GNA12: variants seen among roughly 807,000 people sequenced by gnomAD.
GNA12 encodes guanine nucleotide-binding protein subunit alpha-12.
Under a neutral mutation model 26.0 loss-of-function variants are expected in GNA12, and 9 were observed. The observed-to-expected ratio is 0.35, with a 90% CI of 0.21 to 0.60. The LOEUF (loss-of-function observed/expected upper bound fraction) is 0.60, where lower values mean the gene tolerates loss of function less well. Ranked by LOEUF, GNA12 falls within the 20% of genes least tolerant of loss-of-function variation. The pLI is 0.78. For missense variants in GNA12, 405 were observed against 525.8 expected (o/e 0.77, Z 2.25); for synonymous variants, 264 against 219.6 (o/e 1.20, Z -1.79).
intron 1 of GNA12, among the ~76,000 whole-genome samples, chr7:2,816,141 G>A (rs1045535093): frequency 2.0e-5 from 3 of 152,148 alleles, no homozygotes; most frequent in African/African-American, 7.2e-5. Context: ...CACAGGGAAC[G>A]GATCAGCAAT....
chr7:2,780,505 C>T (rs749535981), intron 2 of GNA12, among the ~76,000 whole-genome samples: 7 of 152,160 alleles, frequency 4.6e-5, no homozygotes, highest in Non-Finnish European at 8.8e-5. Context: ...TCAAAACACT[C>T]GCTCTGTCTT....
intron 2 of GNA12, among the ~76,000 whole-genome samples, chr7:2,761,588 A>T (rs775439906): frequency 6.6e-6 from 1 of 152,226 alleles, no homozygotes; most frequent in Non-Finnish European, 1.5e-5. Context: ...CCTAGGATAC[A>T]AACAGTTCTC....
At chr7:2,830,061 G>A (rs1793567363) in intron 1 of GNA12, among the ~76,000 whole-genome samples, 2 of 152,152 alleles carry the variant, frequency 1.3e-5, no homozygotes. Context: ...GCTCCACCAA[G>A]GACCCTTTCC....
rs531783488 is a variant in GNA12, at chr7:2,776,327, G to A, written c.525+18601C>T. Among the ~76,000 whole-genome samples, 18 of 152,302 alleles carry A rather than the reference G, an allele frequency of 1.2e-4. No individual in the cohort carries two copies. The East Asian group carries it at 3.1e-3, about 26-fold the overall frequency. On this transcript the variant is annotated intron_variant, in intron 2 of 3. Transcript: ENST00000275364. ...GCCAGTGCTCAGAGTGCTATAGAAA[G>A]AACAGAACAGAAGACACTGCTCGGA...
intron 1 of GNA12, among the ~76,000 whole-genome samples, chr7:2,836,508 C>A (rs1484285390): frequency 1.3e-5 from 2 of 152,186 alleles, no homozygotes; most frequent in Non-Finnish European, 2.9e-5. Context: ...AGCCTCCAAG[C>A]TGGAACAGCC....
chr7:2,817,158 C>T lies in GNA12; in HGVS notation c.310-22015G>A, dbSNP rs370328297. On this transcript the variant is annotated intron_variant, in intron 1 of 3. Transcript: ENST00000275364. ...TCTCGCTCTATTGCCCAGGCTGTAG[C>T]GCAATGGCGCGACCTCGGCTCACCG... Among the ~76,000 whole-genome samples, 94 of 152,290 alleles carry T rather than the reference C, an allele frequency of 6.2e-4. No homozygotes were observed. In the East Asian group the frequency reaches 0.011, roughly 17 times the overall value.
At chr7:2,815,335 C>T in intron 1 of GNA12, 1 of 195,588 alleles carries the variant, frequency 5.1e-6, no homozygotes, top group East Asian at 1.6e-4. Flanking sequence ...GCAGCAGGGG[C>T]AGGAGGAGCT....
intron 2 of GNA12, among the ~76,000 whole-genome samples, chr7:2,761,533 G>C (rs539828598): frequency 1.1e-3 from 169 of 152,316 alleles, no homozygotes; most frequent in African/African-American, 3.4e-3. Context: ...AGCTGGAACG[G>C]ACAGCATCGC....
In GNA12 at chr7:2,735,084, G is replaced by A. The variant is rs114633082; in HGVS notation, c.526-1583C>T. Reference sequence around the variant, plus strand: ...GCCTCCTTCCACACCCTGACAGGAAGCAGCTGGGAGAAGCCGTTGGGTGCA... The same window carrying A: ...GCCTCCTTCCACACCCTGACAGGAAACAGCTGGGAGAAGCCGTTGGGTGCA... On this transcript the variant is annotated intron_variant, in intron 2 of 3. Coordinates refer to ENST00000275364, the MANE Select transcript of GNA12 (RefSeq NM_007353.3). Among the ~76,000 whole-genome samples the A allele has an allele frequency of 1.3e-3, 197 of 150,364 alleles. 2 individuals are homozygous for A. The highest frequency in any genetic ancestry group is 4.5e-3 in the African/African-American group (183 of 40,944).
At chr7:2,739,915 C>T (rs559915063) in intron 2 of GNA12, among the ~76,000 whole-genome samples, 9 of 152,224 alleles carry the variant, frequency 5.9e-5, no homozygotes, top group Middle Eastern at 3.4e-3. Context: ...TCCAGTGATC[C>T]GCCCGCCTTG....
chr7:2,777,539 G>A (rs568217933), intron 2 of GNA12, among the ~76,000 whole-genome samples: 4 of 152,308 alleles, frequency 2.6e-5, no homozygotes, highest in African/African-American at 9.6e-5. Context: ...AGGGTTAGAA[G>A]AGGTCATAGG....
intron 1 of GNA12, among the ~76,000 whole-genome samples, chr7:2,795,653 G>T (rs1225174244): frequency 2.0e-5 from 3 of 147,928 alleles, no homozygotes; most frequent in Admixed American, 6.7e-5. Context: ...AAAGAAAAAA[G>T]AAAAAAAAGA....
intron 1 of GNA12, among the ~76,000 whole-genome samples, chr7:2,814,030 C>G (rs1490915012): frequency 6.6e-6 from 1 of 152,172 alleles, no homozygotes; most frequent in South Asian, 2.1e-4. Flanking sequence ...GCTTGGACAT[C>G]TCATCCTCTC....
chr7:2,836,887 G>A (rs1047376601), intron 1 of GNA12, among the ~76,000 whole-genome samples: 1 of 152,124 alleles, frequency 6.6e-6, no homozygotes. Context: ...TTGCGCCACT[G>A]CACTCCAGCC....
In GNA12 at chr7:2,833,624, G is replaced by A. The variant is rs551035660; in HGVS notation, c.309+10229C>T. ...ACTTAGTTAGCTGACGGAAAAAGAT[G>A]TTTTTGCATTTGTTTTGTTTGGTTT... On this transcript the variant is annotated intron_variant, in intron 1 of 3. Coordinates refer to ENST00000275364, the MANE Select transcript of GNA12 (RefSeq NM_007353.3). Among the ~76,000 whole-genome samples, 3 of 152,298 alleles carry A rather than the reference G, an allele frequency of 2.0e-5. No homozygotes were observed. The East Asian group carries it at 5.8e-4, about 29-fold the overall frequency.
At chr7:2,832,195 C>T (rs979310643) in intron 1 of GNA12, among the ~76,000 whole-genome samples, 1 of 152,210 alleles carries the variant, frequency 6.6e-6, no homozygotes, top group Non-Finnish European at 1.5e-5. Context: ...CAAGGCCTCC[C>T]CTCTCCTCCA....
At chr7:2,821,355 T>C (rs1793366661) in intron 1 of GNA12, among the ~76,000 whole-genome samples, 1 of 152,174 alleles carries the variant, frequency 6.6e-6, no homozygotes, top group South Asian at 2.1e-4. Flanking sequence ...GAGAATGAAT[T>C]CACCAACCAG....
intron 2 of GNA12, chr7:2,794,655 G>T (rs957418027): frequency 1.8e-5 from 8 of 449,758 alleles, no homozygotes; most frequent in African/African-American, 1.4e-4. Context: ...AAATTTCTCG[G>T]GTTGTGCCAA....
At position 2,728,549 on chromosome 7, in the gene GNA12, G is replaced by C. The variant is rs911014587; in HGVS notation, c.*2632C>G. On this transcript the variant is annotated 3_prime_UTR_variant, in exon 4 of 4. Coordinates refer to ENST00000275364, the MANE Select transcript of GNA12 (RefSeq NM_007353.3). Reference sequence around the variant, plus strand: ...TTATGTGTACACAGTATAGCTATGAGGAACAGATCTTATTTTGAGGAACTT... The same window carrying C: ...TTATGTGTACACAGTATAGCTATGACGAACAGATCTTATTTTGAGGAACTT... 2 of 152,416 alleles carry C rather than the reference G, an allele frequency of 1.3e-5. No homozygotes were observed. The highest frequency in any genetic ancestry group is 6.5e-5 in the Admixed American group (1 of 15,270). The allele number at this position is 152,416 out of a possible 1,614,324, so 9.4% of individuals were successfully genotyped here. A position where few individuals can be genotyped will look rare whatever the true frequency, so the allele number is the denominator to read the frequency against.
Sources: gnomAD v4.1 joint callset for allele counts (sites outside exome capture counted in the v4.1 genomes callset) on GRCh38, gnomAD v4.1.1 for gene constraint, MANE v1.5 for transcripts, NCBI Gene and HGNC (gene_info 2026-07-23, HGNC 2026-07-21) for gene names.